Variants in CSMD3 observed in about 807,000 individuals in gnomAD.
CSMD3 encodes the protein CUB and Sushi multiple domains 3, also known as CUB and sushi domain-containing protein 3.
A neutral mutation model predicts 435.2 loss-of-function variants in CSMD3; 177 were observed. The observed-to-expected ratio is 0.41, with a 90% CI of 0.36 to 0.46. The LOEUF (loss-of-function observed/expected upper bound fraction) is 0.46, where lower values mean the gene tolerates loss of function less well. CSMD3 is among the 20% of genes least tolerant of loss of function. The pLI, the probability that CSMD3 is intolerant of heterozygous loss-of-function variation, is 0.34. For missense variants in CSMD3, 4,265 were observed against 4,504.6 expected (o/e 0.95, Z 1.52); for synonymous variants, 1,656 against 1,520.5 (o/e 1.09, Z -2.07).
chr8:112,575,938 AGTGGATCTTATTT>A lies in CSMD3; in HGVS notation c.3886-2294_3886-2282del, dbSNP rs535649012. Reference sequence around the variant, plus strand: ...ATCAAATCATTTAACCACTAGATCCAGTGGATCTTATTTGTGGTAATATTATCAAGGTATCCCC... The same window carrying A: ...ATCAAATCATTTAACCACTAGATCCAGTGGTAATATTATCAAGGTATCCCC... On this transcript the variant is annotated intron_variant, in intron 23 of 70. Transcript: ENST00000297405. Among the ~76,000 whole-genome samples the A allele has an allele frequency of 3.7e-4, 57 of 152,252 alleles. No homozygotes were observed. The South Asian group carries it at 9.3e-3, about 25-fold the overall frequency.
intron 13 of CSMD3, among the ~76,000 whole-genome samples, chr8:112,756,177 C>T (rs72678498): frequency 6.6e-6 from 1 of 152,204 alleles, no homozygotes; most frequent in Non-Finnish European, 1.5e-5. Context: ...GGACTCCGTT[C>T]TGGGTATGTG....
At position 112,641,580 on chromosome 8, in the gene CSMD3, T is replaced by C. The variant is rs111639596; in HGVS notation, c.3311-2669A>G. On this transcript the variant is annotated intron_variant, in intron 20 of 70. Coordinates refer to ENST00000297405, the MANE Select transcript of CSMD3 (RefSeq NM_198123.2). ...ATCCAGGTCTGGTGGCTCACACCTG[T>C]AATCCCAGCACTTTGGGAGGCCTAG... Among the ~76,000 whole-genome samples the C allele has an allele frequency of 3.1e-3, 478 of 152,274 alleles. 3 individuals carry two copies. Among genetic ancestry groups the C allele is most frequent in the African/African-American group, 9.9e-3 (410 of 41,568 alleles).
chr8:112,304,764 AG>A lies in CSMD3; in HGVS notation c.8222del (p.Pro2741LeufsTer56). ...GLGPASIECL[P>X]NGTWSWRNER... is the part of the protein sequence containing the mutation. Reference sequence around the variant, plus strand: ...CATTTCTCCAACTCCAAGTACCATTAGGAAGACATTCGATGGAGGCAGGACC... The same window carrying A: ...CATTTCTCCAACTCCAAGTACCATTAGAAGACATTCGATGGAGGCAGGACC... On this transcript the variant is annotated frameshift_variant, in exon 52 of 71. Transcript: ENST00000297405. LOFTEE classifies it high-confidence loss of function. The A allele has an allele frequency of 6.2e-7, 1 of 1,613,926 alleles. No individual in the cohort carries two copies. Among genetic ancestry groups the A allele is most frequent in the Non-Finnish European group, 8.5e-7 (1 of 1,179,824 alleles).
intron 9 of CSMD3, among the ~76,000 whole-genome samples, chr8:112,944,275 T>TAGC (rs1217306955): frequency 6.6e-6 from 1 of 151,730 alleles, no homozygotes; most frequent in Non-Finnish European, 1.5e-5. Flanking sequence ...TATGTAGGCC[T>TAGC]AGCAGCATCT....
rs1157955064 is a variant in CSMD3, at chr8:112,545,501, AAATAAT to A, written c.4564+5164_4564+5169del. On this transcript the variant is annotated intron_variant, in intron 27 of 70. Coordinates refer to ENST00000297405, the MANE Select transcript of CSMD3 (RefSeq NM_198123.2). ...CCATCTCAAAAAAAAAAAAAAAAAA[AAATAAT>A]AATAATAATAATAATAATAAATGCT... 9.2e-3 allele frequency among the ~76,000 whole-genome samples: 1,127 copies of A among 121,872 alleles called. 21 individuals are homozygous for A. The highest frequency in any genetic ancestry group is 0.032 in the Middle Eastern group (7 of 218). 80.0% of individuals were successfully genotyped at this position (121,872 alleles called of 152,430 possible).
intron 4 of CSMD3, among the ~76,000 whole-genome samples, chr8:113,157,377 A>G (rs1469324074): frequency 1.3e-5 from 2 of 152,012 alleles, no homozygotes; most frequent in African/African-American, 4.8e-5. Context: ...GCCAGCTTCT[A>G]TGACACTGTG....
At chr8:112,306,279 AAACT>A in intron 50 of CSMD3, 87 bp from the exon 51 acceptor site, 1 of 931,174 alleles carries the variant, frequency 1.1e-6, no homozygotes, top group South Asian at 1.4e-5. Context: ...AAAACATGCA[AAACT>A]AACGGGGATT....
Position 112,580,219 on chromosome 8 carries a change from A to T in CSMD3, c.3886-6562T>A, listed in dbSNP as rs762216023. The stretch of plus-strand genomic sequence containing the variant: ...TAATAAACCCCTCTTATGAATGTTA[A>T]TTGAAAGAATTAATTAGATTACATA... On this transcript the variant is annotated intron_variant, in intron 23 of 70. Transcript: ENST00000297405. 2.0e-5 allele frequency among the ~76,000 whole-genome samples: 3 copies of T among 152,166 alleles called. No homozygotes were observed. The East Asian group carries it at 5.8e-4, about 29-fold the overall frequency.
At chr8:113,199,579 GT>G (rs1439485863) in intron 3 of CSMD3, among the ~76,000 whole-genome samples, 6 of 151,568 alleles carry the variant, frequency 4.0e-5, no homozygotes, top group African/African-American at 1.5e-4. Context: ...AACACAAAAT[GT>G]GCACACATCT....
chr8:113,116,117 G>C (rs773149101), intron 4 of CSMD3, among the ~76,000 whole-genome samples: 20 of 152,056 alleles, frequency 1.3e-4, no homozygotes, highest in Non-Finnish European at 1.6e-4. Context: ...TCTTATATCA[G>C]GATTAATACA....
At chr8:112,666,142 C>G (rs946531382) in intron 17 of CSMD3, 135 bp downstream of exon 17, 1 of 745,248 alleles carries the variant, frequency 1.3e-6, no homozygotes, top group South Asian at 1.6e-5. Flanking sequence ...AGGGGGCAAA[C>G]AGATGGAAGC....
chr8:112,321,580 A>G (rs1015136958), intron 45 of CSMD3, among the ~76,000 whole-genome samples: 3 of 152,158 alleles, frequency 2.0e-5, no homozygotes, highest in South Asian at 4.1e-4. Context: ...TATTTATAAG[A>G]GATTAATTGG....
intron 69 of CSMD3, among the ~76,000 whole-genome samples, chr8:112,230,315 T>C (rs1187663542): frequency 6.6e-6 from 1 of 152,170 alleles, no homozygotes; most frequent in South Asian, 2.1e-4. Context: ...ACAGGTAGGA[T>C]GTGATGTAAA....
rs1832056677 is a variant in CSMD3, at chr8:112,408,521, C to A, written c.5510-108G>T. 21 of 798,786 alleles carry A rather than the reference C, an allele frequency of 2.6e-5. No homozygotes were observed. The Admixed American group carries it at 3.8e-4, about 15-fold the overall frequency. 49.5% of individuals were successfully genotyped at this position (798,786 alleles called of 1,614,324 possible). On this transcript the variant is annotated intron_variant, in intron 33 of 70. Transcript: ENST00000297405. The stretch of plus-strand genomic sequence containing the variant: ...TCATTTGAAAATGTCAATCTATGTT[C>A]TATCAAATTACTTTAAAATATCCTA...
chr8:113,396,755 A>G (rs762482197), intron 1 of CSMD3, among the ~76,000 whole-genome samples: 8 of 152,190 alleles, frequency 5.3e-5, no homozygotes, highest in Non-Finnish European at 7.4e-5. Context: ...TAACTGTGGT[A>G]TAAATTGTCT....
At chr8:112,981,775 T>C (rs2085062305) in intron 6 of CSMD3, among the ~76,000 whole-genome samples, 1 of 151,676 alleles carries the variant, frequency 6.6e-6, no homozygotes, top group Non-Finnish European at 1.5e-5. Flanking sequence ...GAAATTTTAA[T>C]AAACACACAT....
At chr8:113,312,474 G>A (rs1178641257) in intron 2 of CSMD3, 1 of 152,036 alleles carries the variant, frequency 6.6e-6, no homozygotes, top group South Asian at 2.1e-4. Flanking sequence ...GAAAGAATGA[G>A]AACAATAAAT....
intron 3 of CSMD3, among the ~76,000 whole-genome samples, chr8:113,209,414 TG>T (rs2092806670): frequency 6.6e-6 from 1 of 152,160 alleles, no homozygotes; most frequent in Admixed American, 6.6e-5. Flanking sequence ...ATTCATCTAT[TG>T]TAAGTTCCAT....
chr8:112,444,532 A>G (rs1312084519), intron 32 of CSMD3, among the ~76,000 whole-genome samples: 9 of 152,252 alleles, frequency 5.9e-5, no homozygotes, highest in Non-Finnish European at 1.3e-4. Context: ...TTTAAAAAGT[A>G]GAGCAAACTC....
Sources: allele counts gnomAD v4.1 joint callset (sites outside exome capture counted in the v4.1 genomes callset), GRCh38; gene constraint gnomAD v4.1.1; transcripts MANE v1.5; gene names NCBI Gene and HGNC (gene_info 2026-07-23, HGNC 2026-07-21).